Variants in TCF7L2 observed in about 807,000 individuals in gnomAD.
TCF7L2 encodes the protein transcription factor 7 like 2.
In TCF7L2, 23 loss-of-function variants were observed where a neutral mutation model predicts 77.9. The observed-to-expected ratio is 0.30, with a 90% CI of 0.21 to 0.42. TCF7L2 has a LOEUF of 0.42. TCF7L2 is among the 10% of genes least tolerant of loss of function. The pLI is 1.00. For missense variants in TCF7L2, 654 were observed against 793.1 expected, an observed-to-expected ratio of 0.82 and a Z score of 2.11; for synonymous variants, 413 against 340.2, an observed-to-expected ratio of 1.21 and a Z score of -2.36.
chr10:112,994,413 C>T (rs183311317), intron 4 of TCF7L2, among the ~76,000 whole-genome samples: 21 of 152,260 alleles, frequency 1.4e-4, no homozygotes, highest in Admixed American at 2.6e-4. Context: ...TATGTCATTC[C>T]TTTTTATGGC....
At chr10:113,079,991 A>G (rs2059156565) in intron 5 of TCF7L2, among the ~76,000 whole-genome samples, 1 of 151,964 alleles carries the variant, frequency 6.6e-6, no homozygotes, top group Non-Finnish European at 1.5e-5. Flanking sequence ...AAAGGGAGCA[A>G]GATGAGGTTG....
At chr10:113,112,057 G>A (rs2063198762) in intron 5 of TCF7L2, among the ~76,000 whole-genome samples, 1 of 152,166 alleles carries the variant, frequency 6.6e-6, no homozygotes. Context: ...AGTCTGCTTT[G>A]GGCAGGTGAT....
intron 5 of TCF7L2, among the ~76,000 whole-genome samples, chr10:113,066,080 A>G (rs1246178449): frequency 3.3e-5 from 5 of 152,176 alleles, no homozygotes; most frequent in African/African-American, 1.2e-4. Flanking sequence ...GATATGCTTA[A>G]GGTTGGACGC....
rs555057441 is a variant in TCF7L2 at position 113,160,774 on chromosome 10, C to T, written c.1391+83C>T. 99 of 1,297,026 alleles carry T rather than the reference C, an allele frequency of 7.6e-5. No homozygotes were observed. The African/African-American group carries it at 1.3e-3, about 17-fold the overall frequency. The allele number at this position is 1,297,026 out of a possible 1,614,324, so 80.3% of individuals were successfully genotyped here. The stretch of plus-strand genomic sequence containing the variant: ...TTAGCGTGATAATTTATTTTGACCT[C>T]GTTCCCCATCTACTTCCCCTCTGGC... On this transcript the variant is annotated intron_variant, in intron 13 of 13. Coordinates refer to ENST00000627217, the MANE Select transcript of TCF7L2 (RefSeq NM_001146274.2).
intron 4 of TCF7L2, among the ~76,000 whole-genome samples, chr10:113,016,407 G>A (rs1248080036): frequency 6.6e-6 from 1 of 152,164 alleles, no homozygotes; most frequent in Non-Finnish European, 1.5e-5. Flanking sequence ...TGATATCTGG[G>A]GAATCAGCTT....
intron 4 of TCF7L2, among the ~76,000 whole-genome samples, chr10:112,988,929 G>T (rs956808126): frequency 4.6e-5 from 7 of 152,140 alleles, no homozygotes; most frequent in Non-Finnish European, 1.5e-5. Context: ...TAAGAAAACA[G>T]AATTTCAAAG....
At chr10:113,114,474 T>G (rs767545369) in intron 5 of TCF7L2, among the ~76,000 whole-genome samples, 12 of 152,264 alleles carry the variant, frequency 7.9e-5, no homozygotes, top group Non-Finnish European at 1.6e-4. Context: ...GTCAATGGTG[T>G]GTGGGCTTAA....
intron 5 of TCF7L2, chr10:113,127,194 A>G (rs949621010): frequency 2.6e-5 from 4 of 151,338 alleles, no homozygotes; most frequent in East Asian, 1.9e-4. Context: ...CTATAAAAAC[A>G]TGCTTTTTTA....
Position 113,048,338 on chromosome 10 carries a change from A to G in TCF7L2, c.552+8212A>G, listed in dbSNP as rs142786477. ...TGCTGATTAACTCTATGGATGGGGC[A>G]TGTTTCTCCAACCAGATTGTAAGTT... On this transcript the variant is annotated intron_variant, in intron 5 of 13. Coordinates refer to ENST00000627217, the MANE Select transcript of TCF7L2 (RefSeq NM_001146274.2). Among the ~76,000 whole-genome samples, 1,359 of 152,232 alleles carry G rather than the reference A, an allele frequency of 8.9e-3. 18 individuals are homozygous for G. Among genetic ancestry groups the G allele is most frequent in the African/African-American group, 0.031 (1,291 of 41,530 alleles).
intron 4 of TCF7L2, among the ~76,000 whole-genome samples, chr10:112,996,237 CTCTCGGAGGAG>C (rs1196687109): frequency 1.3e-5 from 2 of 150,770 alleles, no homozygotes; most frequent in African/African-American, 5.0e-5. Flanking sequence ...AGAAAAATGA[CTCTCGGAGGAG>C]GATGAGCCTC....
At position 113,165,772 on chromosome 10, in the gene TCF7L2, G is replaced by C. The variant is rs747331351; in HGVS notation, c.1609G>C (p.Ala537Pro). 6.2e-7 allele frequency: 1 copy of C among 1,603,908 alleles called. No individual in the cohort carries two copies. Among genetic ancestry groups the C allele is most frequent in the Non-Finnish European group, 8.5e-7 (1 of 1,175,830 alleles). The stretch of plus-strand genomic sequence containing the variant: ...CCTGTCCATGATGCCTCCGCCACCC[G>C]CCCTCCTGCTCGCTGAGGCCACCCA... Residue 537 changes from alanine (A) to proline (P), a missense_variant, in exon 14 of 14, where the codon GCC becomes CCC. Ala to Pro is a conservative substitution (Grantham distance 27). Around this residue, in one of 6 missense-constraint regions of TCF7L2, gnomAD observed 272 missense variants for 215.4 expected, o/e 1.26. Coordinates refer to ENST00000627217, the MANE Select transcript of TCF7L2 (RefSeq NM_001146274.2).
intron 5 of TCF7L2, among the ~76,000 whole-genome samples, chr10:113,110,500 G>T (rs922536709): frequency 6.6e-6 from 1 of 151,322 alleles, no homozygotes; most frequent in Admixed American, 6.6e-5. Flanking sequence ...TTATACGTGA[G>T]ACACAGCAAT....
chr10:113,072,121 A>G (rs2058097554), intron 5 of TCF7L2, among the ~76,000 whole-genome samples: 1 of 152,136 alleles, frequency 6.6e-6, no homozygotes, highest in South Asian at 2.1e-4. Flanking sequence ...CAGTGGCACG[A>G]TCTCGGCTCA....
intron 4 of TCF7L2, among the ~76,000 whole-genome samples, chr10:113,010,798 G>C (rs1016370078): frequency 3.9e-5 from 6 of 152,338 alleles, no homozygotes; most frequent in Non-Finnish European, 8.8e-5. Flanking sequence ...CAGATCTCTT[G>C]AGCTCGGGAG....
intron 5 of TCF7L2, among the ~76,000 whole-genome samples, chr10:113,047,157 G>A (rs1389166374): frequency 6.6e-6 from 1 of 151,792 alleles, no homozygotes; most frequent in African/African-American, 2.4e-5. Flanking sequence ...TTGTCCCCTC[G>A]CCCCCTCCCC....
In TCF7L2 at chr10:113,102,045, C is replaced by T. The variant is rs569236021; in HGVS notation, c.553-39139C>T. 1.5e-3 allele frequency among the ~76,000 whole-genome samples: 172 copies of T among 115,450 alleles called. 2 individuals are homozygous for T. The highest frequency in any genetic ancestry group is 4.9e-3 in the African/African-American group (147 of 29,760). The allele number at this position is 115,450 out of a possible 152,430, so 75.7% of individuals were successfully genotyped here. A position where few individuals can be genotyped will look rare whatever the true frequency, so the allele number is the denominator to read the frequency against. ...TCCCAGCTACTCGGGAGGCAGGAGGCGGAGGTTGCAGTGAGCCAAGATTGC... is the reference window on the plus strand; with the variant it reads ...TCCCAGCTACTCGGGAGGCAGGAGGTGGAGGTTGCAGTGAGCCAAGATTGC... On this transcript the variant is annotated intron_variant, in intron 5 of 13. Transcript: ENST00000627217.
At chr10:113,141,106 C>A (rs2068296744) in intron 5 of TCF7L2, 78 bp from the exon 6 acceptor site, 2 of 1,571,274 alleles carry the variant, frequency 1.3e-6, no homozygotes, top group Admixed American at 1.8e-5. Context: ...GCCAAGGGAA[C>A]CCACGGGCCC....
chr10:112,956,344 CTTT>C (rs10711698), intron 3 of TCF7L2, among the ~76,000 whole-genome samples: 120 of 112,210 alleles, frequency 1.1e-3, no homozygotes, highest in African/African-American at 2.9e-3. Flanking sequence ...AGTGATTTAC[CTTT>C]TTTTTTTTTT....
intron 5 of TCF7L2, among the ~76,000 whole-genome samples, chr10:113,088,679 A>C (rs1367378458): frequency 6.6e-6 from 1 of 152,216 alleles, no homozygotes; most frequent in East Asian, 1.9e-4. Flanking sequence ...CAGATCAGCC[A>C]GACATGGTGC....
Sources: allele counts gnomAD v4.1 joint callset (sites outside exome capture counted in the v4.1 genomes callset), GRCh38; gene constraint gnomAD v4.1.1; regional missense constraint gnomAD v4.1.1; transcripts MANE v1.5; gene names NCBI Gene and HGNC (gene_info 2026-07-23, HGNC 2026-07-21).